The following TLR5 variants were observed in gnomAD, a reference collection of about 807,000 sequenced individuals.
The protein encoded by TLR5 is toll like receptor 5, also known as toll-like receptor 5.
For synonymous variants in TLR5, 373 were observed against 384.4 expected (o/e 0.97, Z 0.35); for missense variants, 944 against 999.8 (o/e 0.94, Z 0.75).
intron 5 of TLR5, among the ~76,000 whole-genome samples, chr1:223,126,166 G>A (rs551262519): frequency 5.9e-5 from 9 of 152,224 alleles, no homozygotes; most frequent in East Asian, 1.9e-4. Context: ...GATATTTTTC[G>A]GCCTTAAAAA....
Position 223,111,893 on chromosome 1 carries a change from A to T in TLR5, c.1139T>A (p.Phe380Tyr), listed in dbSNP as rs777496972. The change falls in exon 6 of 6, where the codon TTC becomes TAC. Residue 380 changes from phenylalanine (F) to tyrosine (Y), a missense_variant. Phe to Tyr is a conservative substitution (Grantham distance 22). Transcript: ENST00000642603. ...NHIAIIQDQT[F>Y]KFLEKLQTLD... ...GGTCTGTAATTTTTCCAGGAATTTG[A>T]ATGTTTGGTCTTGAATTATTGCAAT... 9.9e-6 allele frequency: 16 copies of T among 1,613,906 alleles called. No homozygotes were observed. The highest frequency in any genetic ancestry group is 1.3e-5 in the African/African-American group (1 of 74,924).
At chr1:223,135,891 C>A (rs1028206115) in intron 3 of TLR5, among the ~76,000 whole-genome samples, 1 of 152,182 alleles carries the variant, frequency 6.6e-6, no homozygotes, top group Non-Finnish European at 1.5e-5. Flanking sequence ...CTTATGTCTG[C>A]GGCTAGATAT....
intron 3 of TLR5, among the ~76,000 whole-genome samples, chr1:223,136,868 C>T (rs1657635570): frequency 6.6e-6 from 1 of 151,964 alleles, no homozygotes; most frequent in Admixed American, 6.6e-5. Context: ...CACTCTGTCA[C>T]CCAGGCTAGA....
chr1:223,112,779 T>C lies in TLR5; in HGVS notation c.253A>G (p.Thr85Ala), dbSNP rs763557707. Reference sequence around the variant, plus strand: ...TTTCTGAAGGCCTCCTTGTCAATAGTCAAGGGGGTATACTGGCTCCCGAGC... The same window carrying C: ...TTTCTGAAGGCCTCCTTGTCAATAGCCAAGGGGGTATACTGGCTCCCGAGC... ...LELGSQYTPL[T>A]IDKEAFRNLP... The change falls in exon 6 of 6, where the codon ACT becomes GCT. Residue 85 changes from threonine to alanine, a missense_variant. Transcript: ENST00000642603. 6.8e-6 allele frequency: 11 copies of C among 1,613,648 alleles called. No homozygotes were observed. Among genetic ancestry groups the C allele is most frequent in the African/African-American group, 1.3e-5 (1 of 74,856 alleles).
chr1:223,111,494 T>G lies in TLR5; in HGVS notation c.1538A>C (p.Tyr513Ser). ...TACTCCTGGTGGAAGGGAATTAAGATAGTTATGATTCAAATACAGAACTTG... is the reference window on the plus strand; with the variant it reads ...TACTCCTGGTGGAAGGGAATTAAGAGAGTTATGATTCAAATACAGAACTTG... ...HLQVLYLNHN[Y>S]LNSLPPGVFS... is the part of the protein sequence containing the mutation. The change falls in exon 6 of 6, where the codon TAT becomes TCT. Residue 513 changes from tyrosine (Y) to serine (S), a missense_variant. Coordinates refer to ENST00000642603, the MANE Select transcript of TLR5 (RefSeq NM_003268.6). The G allele has an allele frequency of 1.2e-6, 2 of 1,614,150 alleles. No homozygotes were observed. The highest frequency in any genetic ancestry group is 1.3e-5 in the African/African-American group (1 of 75,030).
chr1:223,123,495 A>G (rs955770181), intron 5 of TLR5: 21 of 152,266 alleles, frequency 1.4e-4, no homozygotes, highest in Admixed American at 1.2e-3. Flanking sequence ...CTTATGTCGT[A>G]TTACAAAGAT....
chr1:223,110,040 T>C lies in TLR5; in HGVS notation c.*415A>G, dbSNP rs368541999. On this transcript the variant is annotated 3_prime_UTR_variant, in exon 6 of 6. Coordinates refer to ENST00000642603, the MANE Select transcript of TLR5 (RefSeq NM_003268.6). Reference sequence around the variant, plus strand: ...CTGCTTCTGTTTGTTTTCTACTTAATGTTGTTTTGCAGAACACAGAGAACG... The same window carrying C: ...CTGCTTCTGTTTGTTTTCTACTTAACGTTGTTTTGCAGAACACAGAGAACG... The C allele has an allele frequency of 4.9e-5, 10 of 204,074 alleles. No homozygotes were observed. The highest frequency in any genetic ancestry group is 1.4e-4 in the African/African-American group (6 of 42,296). The allele number at this position is 204,074 out of a possible 1,614,324, so 12.6% of individuals were successfully genotyped here. A position where few individuals can be genotyped will look rare whatever the true frequency, so the allele number is the denominator to read the frequency against.
In TLR5 at chr1:223,111,991, A is replaced by G. The variant is rs199758690; in HGVS notation, c.1041T>C (p.Leu347=). ...NLQVLNLSYN[L]LGELYSSNFY... ...AATTCGAACTGTAAAGTTCCCCCAG[A>G]AGGTTATATGACAAATTGAGAACTT... is the stretch of plus-strand genomic sequence containing the variant. Residue 347 remains leucine (L), a synonymous_variant, in exon 6 of 6, where the codon CTT becomes CTC. Transcript: ENST00000642603. 378 of 1,614,102 alleles carry G rather than the reference A, an allele frequency of 2.3e-4. 1 individual carries two copies. The highest frequency in any genetic ancestry group is 5.0e-4 in the Admixed American group (30 of 60,012).
At chr1:223,116,181 T>C (rs1017199064) in intron 5 of TLR5, among the ~76,000 whole-genome samples, 1 of 152,216 alleles carries the variant, frequency 6.6e-6, no homozygotes, top group Non-Finnish European at 1.5e-5. Flanking sequence ...CCGAAATTGG[T>C]GGGTTCCTGG....
intron 3 of TLR5, among the ~76,000 whole-genome samples, chr1:223,136,060 A>C (rs1657599472): frequency 6.6e-6 from 1 of 152,148 alleles, no homozygotes; most frequent in Non-Finnish European, 1.5e-5. Context: ...TGATTTTCCA[A>C]ACAGGGCCTT....
chr1:223,129,427 T>C (rs968861375), intron 5 of TLR5: 41 of 152,370 alleles, frequency 2.7e-4, no homozygotes, highest in African/African-American at 9.4e-4. Context: ...TGCCGCGGTT[T>C]CTGGACTAGG....
chr1:223,141,587 A>G (rs1657842089), intron 2 of TLR5, 61 bp downstream of exon 2: 1 of 152,016 alleles, frequency 6.6e-6, no homozygotes, highest in Middle Eastern at 3.4e-3. Flanking sequence ...AGCCCGACCA[A>G]CATGGTGAAA....
chr1:223,119,129 G>T (rs1215070573), intron 5 of TLR5, among the ~76,000 whole-genome samples: 1 of 151,974 alleles, frequency 6.6e-6, no homozygotes, highest in Non-Finnish European at 1.5e-5. Context: ...AAATGAAAAA[G>T]AAGAGAAAGA....
At chr1:223,139,376 G>A (rs1331484929) in intron 2 of TLR5, among the ~76,000 whole-genome samples, 1 of 152,168 alleles carries the variant, frequency 6.6e-6, no homozygotes, top group Non-Finnish European at 1.5e-5. Flanking sequence ...CAGGGAGATG[G>A]CCAAGTAACC....
At chr1:223,141,408 G>A (rs1657831282) in intron 2 of TLR5, 1 of 152,104 alleles carries the variant, frequency 6.6e-6, no homozygotes, top group South Asian at 2.1e-4. Flanking sequence ...CCATCATTTT[G>A]GAAGGAAGAA....
At chr1:223,137,949 A>ACTTTTT (rs1558134511) in intron 2 of TLR5, among the ~76,000 whole-genome samples, 1 of 69,168 alleles carries the variant, frequency 1.4e-5, no homozygotes, top group Non-Finnish European at 2.6e-5. Context: ...TGGCTTTTTA[A>ACTTTTT]ATTTTTTTTT....
Position 223,110,320 on chromosome 1 carries a change from A to G in TLR5, c.*135T>C. 1.2e-6 allele frequency: 1 copy of G among 865,272 alleles called. No individual in the cohort carries two copies. Among genetic ancestry groups the G allele is most frequent in the Non-Finnish European group, 1.8e-6 (1 of 551,840 alleles). The allele number at this position is 865,272 out of a possible 1,614,324, so 53.6% of individuals were successfully genotyped here. On this transcript the variant is annotated 3_prime_UTR_variant, in exon 6 of 6. Transcript: ENST00000642603. ...GAACATGGTGTTGATACGAAAATTG[A>G]GAGATTTATGTTGTTTTCATAGTAG...
At position 223,110,777 on chromosome 1, in the gene TLR5, C is replaced by G; in HGVS notation, c.2255G>C (p.Arg752Thr). ...TCTGCTCACAAGACAAACGATCTTT[C>G]TACTGTTCCAGATGGCATCCTGGAT... is the stretch of plus-strand genomic sequence containing the variant. ...ANIQDAIWNS[R>T]KIVCLVSRHF... The change falls in exon 6 of 6, where the codon AGA (arginine) becomes ACA (threonine). Residue 752 changes from arginine to threonine, a missense_variant. Transcript: ENST00000642603. 1 of 1,614,220 alleles carries G rather than the reference C, an allele frequency of 6.2e-7. No individual in the cohort carries two copies. Among genetic ancestry groups the G allele is most frequent in the Non-Finnish European group, 8.5e-7 (1 of 1,180,024 alleles).
chr1:223,113,049 G>C lies in TLR5; in HGVS notation c.-4-14C>G, dbSNP rs759819939. ...TCTCCCATGATCCTATGGAGAAGAA[G>C]GGAGAATGAAAACACAGGCATTTAA... On this transcript the variant is annotated splice_polypyrimidine_tract_variant and intron_variant, in intron 5 of 5. Transcript: ENST00000642603. 6.2e-7 allele frequency: 1 copy of C among 1,613,904 alleles called. No homozygotes were observed. Among genetic ancestry groups the C allele is most frequent in the Non-Finnish European group, 8.5e-7 (1 of 1,179,878 alleles).
Sources: allele counts gnomAD v4.1 joint callset (sites outside exome capture counted in the v4.1 genomes callset), GRCh38; gene constraint gnomAD v4.1.1; transcripts MANE v1.5; gene names NCBI Gene and HGNC (gene_info 2026-07-23, HGNC 2026-07-21).